TTN: variants seen among roughly 807,000 people sequenced by gnomAD.
The protein encoded by TTN is titin.
Under a neutral mutation model 3,223.0 loss-of-function variants are expected in TTN, and 1,525 were observed. That is an observed-to-expected ratio of 0.47 (90% confidence interval 0.45 to 0.49). The LOEUF is 0.49. Ranked by LOEUF, TTN falls within the 20% of genes least tolerant of loss-of-function variation. The pLI, the probability that TTN is intolerant of heterozygous loss-of-function variation, is 0.00. For missense variants in TTN, 40,786 were observed against 43,424.0 expected (o/e 0.94, Z 5.40); for synonymous variants, 14,094 against 15,161.0 (o/e 0.93, Z 5.17).
chr2:178,720,176 C>G lies in TTN; in HGVS notation c.23466G>C (p.Gln7822His). The G allele has an allele frequency of 6.2e-7, 1 of 1,613,732 alleles. No individual in the cohort carries two copies. The highest frequency in any genetic ancestry group is 8.5e-7 in the Non-Finnish European group (1 of 1,179,726). Residue 7822 changes from glutamine to histidine, a missense_variant, in exon 81 of 363, where the codon CAG becomes CAC. Physicochemically the swap from Gln to His is conservative, Grantham distance 24. Transcript: ENST00000589042. ...CTTTCAGCCAGACAACAGAAATTGG[C>G]TGGAAGCCCTCCACTATGGCCCGTA... ...VELRAIVEGF[Q>H]PISVVWLKDR...
In TTN at chr2:178,764,606, T is replaced by C; in HGVS notation, c.9909A>G (p.Pro3303=). ...EYTLLLIEAF[P]EDAAVYTCEA... Reference sequence around the variant, plus strand: ...CACAGGTATAGACTGCCGCATCCTCTGGGAAGGCTTCAATTAGCAAAAGCG... The same window carrying C: ...CACAGGTATAGACTGCCGCATCCTCCGGGAAGGCTTCAATTAGCAAAAGCG... Residue 3303 remains proline, a synonymous_variant, in exon 42 of 363, where the codon CCA becomes CCG. Transcript: ENST00000589042. 1.2e-6 allele frequency: 2 copies of C among 1,614,100 alleles called. No homozygotes were observed. The highest frequency in any genetic ancestry group is 1.7e-5 in the Admixed American group (1 of 60,012).
chr2:178,771,846 A>G (rs1418997202), intron 33 of TTN, among the ~76,000 whole-genome samples: 1 of 152,176 alleles, frequency 6.6e-6, no homozygotes, highest in African/African-American at 2.4e-5. Flanking sequence ...CTACATAAAA[A>G]TTTGCTAAAC....
intron 155 of TTN, 83 bp from the exon 156 acceptor site, chr2:178,671,253 G>A: frequency 1.1e-6 from 1 of 902,950 alleles, no homozygotes; most frequent in Non-Finnish European, 1.6e-6. Flanking sequence ...ACAATGAGGG[G>A]TCACAAAATT....
Position 178,600,879 on chromosome 2 carries a change from G to T in TTN, c.56025C>A (p.Gly18675=), listed in dbSNP as rs755326820. Residue 18675 remains glycine, a synonymous_variant, in exon 288 of 363, where the codon GGC becomes GGA. Coordinates refer to ENST00000589042, the MANE Select transcript of TTN (RefSeq NM_001267550.2). Reference sequence around the variant, plus strand: ...ATGTCTGGTCTTTGACAGTCACAGGGCCAACAGTGGCTGAAGGCTTGCTGA... The same window carrying T: ...ATGTCTGGTCTTTGACAGTCACAGGTCCAACAGTGGCTGAAGGCTTGCTGA... ...AGVSKPSATV[G]PVTVKDQTCP... 1 of 1,612,774 alleles carries T rather than the reference G, an allele frequency of 6.2e-7. No individual in the cohort carries two copies. The highest frequency in any genetic ancestry group is 8.5e-7 in the Non-Finnish European group (1 of 1,179,168).
intron 21 of TTN, 57 bp downstream of exon 21, chr2:178,781,064 G>A (rs745667976): frequency 1.2e-6 from 2 of 1,611,110 alleles, no homozygotes; most frequent in African/African-American, 1.3e-5. Flanking sequence ...GGACAGCACT[G>A]CTATCTCCTT....
chr2:178,743,964 G>A (rs1026346373), intron 47 of TTN, among the ~76,000 whole-genome samples: 3 of 151,952 alleles, frequency 2.0e-5, no homozygotes, highest in African/African-American at 7.2e-5. Flanking sequence ...AGGCAGGGGA[G>A]GCCTGGCTGC....
chr2:178,720,496 C>T lies in TTN; in HGVS notation c.23266G>A (p.Asp7756Asn). ...KKFKITSKHF[D>N]TSLHILNLEA... Reference sequence around the variant, plus strand: ...AGATTAAGGATATGAAGACTTGTATCAAAATGTTTTGAAGTGATTTTAAAT... The same window carrying T: ...AGATTAAGGATATGAAGACTTGTATTAAAATGTTTTGAAGTGATTTTAAAT... The change falls in exon 80 of 363, where the codon GAT becomes AAT. Residue 7756 changes from aspartate (D) to asparagine (N), a missense_variant. Transcript: ENST00000589042. The T allele has an allele frequency of 6.2e-7, 1 of 1,613,660 alleles. No individual in the cohort carries two copies. The highest frequency in any genetic ancestry group is 8.5e-7 in the Non-Finnish European group (1 of 1,179,672).
chr2:178,776,779 A>G lies in TTN; in HGVS notation c.5085T>C (p.Tyr1695=), dbSNP rs1235228503. Residue 1695 remains tyrosine, a synonymous_variant, in exon 28 of 363, where the codon TAT becomes TAC. Coordinates refer to ENST00000589042, the MANE Select transcript of TTN (RefSeq NM_001267550.2). ...ATGGTTTCTGTTGTTTCTCTTTGTC[A>G]TAGAGATCACCTTCTTCCCATTGCT... ...GQEQWEEGDL[Y]DKEKQQKPFF... 4 of 1,614,154 alleles carry G rather than the reference A, an allele frequency of 2.5e-6. 1 individual carries two copies. In the South Asian group the frequency reaches 3.3e-5, roughly 13 times the overall value.
rs1023726354 is a variant in TTN at position 178,672,715 on chromosome 2, T to C, written c.34787-12A>G. On this transcript the variant is annotated splice_polypyrimidine_tract_variant and intron_variant, in intron 152 of 362. Coordinates refer to ENST00000589042, the MANE Select transcript of TTN (RefSeq NM_001267550.2). ...AATTTTCTTTGACACTTTAAAGATA[T>C]TAGGTGTTTTAGTTAGCTGAGAATG... 1 of 1,584,394 alleles carries C rather than the reference T, an allele frequency of 6.3e-7. No homozygotes were observed. The highest frequency in any genetic ancestry group is 8.6e-7 in the Non-Finnish European group (1 of 1,163,422).
chr2:178,567,250 G>T lies in TTN; in HGVS notation c.78882C>A (p.Val26294=). The change falls in exon 326 of 363, where the codon GTC becomes GTA. Residue 26294 remains valine (V), a synonymous_variant. Coordinates refer to ENST00000589042, the MANE Select transcript of TTN (RefSeq NM_001267550.2). The part of the protein sequence containing the change: ...LDRPGPPEGP[V]QVTGVTSEKC... ...TTTCAGAAGTGACTCCAGTAACCTG[G>T]ACTGGCCCTTCTGGAGGTCCTGGTC... 2 of 1,607,210 alleles carry T rather than the reference G, an allele frequency of 1.2e-6. No homozygotes were observed. The highest frequency in any genetic ancestry group is 1.7e-6 in the Non-Finnish European group (2 of 1,176,672).
In TTN at chr2:178,621,094, A is replaced by G. The variant is rs2058202066; in HGVS notation, c.45616+8T>C. The G allele has an allele frequency of 2.5e-6, 4 of 1,610,954 alleles. No homozygotes were observed. Among genetic ancestry groups the G allele is most frequent in the Non-Finnish European group, 3.4e-6 (4 of 1,178,846 alleles). The stretch of plus-strand genomic sequence containing the variant: ...AACAAAAAACCCTAAAAGCAAGAAC[A>G]AACTTACCAATGACTGTCAAGTGAG... On this transcript the variant is annotated splice_region_variant and intron_variant, in intron 246 of 362. Coordinates refer to ENST00000589042, the MANE Select transcript of TTN (RefSeq NM_001267550.2).
In TTN at chr2:178,651,435, G is replaced by C. The variant is rs2062935974; in HGVS notation, c.39547+18C>G. The C allele has an allele frequency of 5.6e-6, 9 of 1,605,016 alleles. No homozygotes were observed. The highest frequency in any genetic ancestry group is 1.3e-5 in the African/African-American group (1 of 74,148). ...GGGCTCCATCCGCCCCCATCAAACAGTGGACAGCCACATATACCTTTAGCA... is the reference window on the plus strand; with the variant it reads ...GGGCTCCATCCGCCCCCATCAAACACTGGACAGCCACATATACCTTTAGCA... On this transcript the variant is annotated intron_variant, in intron 207 of 362. Transcript: ENST00000589042.
chr2:178,530,491 A>G lies in TTN; in HGVS notation c.106124T>C (p.Met35375Thr). The change falls in exon 358 of 363, where the codon ATG (methionine) becomes ACG (threonine). Residue 35375 changes from methionine to threonine, a missense_variant. Met to Thr is a moderately conservative substitution (Grantham distance 81). Coordinates refer to ENST00000589042, the MANE Select transcript of TTN (RefSeq NM_001267550.2). ...GGTSKTNLQF[M>T]GQAFKSIHEK... ...ATGGATACTCTTAAAGGCTTGCCCCATAAATTGTAAGTTGGTTTTAGACGT... is the reference window on the plus strand; with the variant it reads ...ATGGATACTCTTAAAGGCTTGCCCCGTAAATTGTAAGTTGGTTTTAGACGT... The G allele has an allele frequency of 1.9e-6, 3 of 1,614,018 alleles. No homozygotes were observed. Among genetic ancestry groups the G allele is most frequent in the South Asian group, 2.2e-5 (2 of 91,086 alleles).
chr2:178,735,060 A>G (rs2081214136), intron 50 of TTN, 72 bp from the exon 51 acceptor site: 4 of 1,442,692 alleles, frequency 2.8e-6, no homozygotes, highest in South Asian at 3.0e-5. Flanking sequence ...AAAAGTAGAC[A>G]TATACAACAA....
At chr2:178,559,217 C>T in intron 326 of TTN, 94 bp downstream of exon 326, 2 of 1,212,722 alleles carry the variant, frequency 1.6e-6, no homozygotes, top group Non-Finnish European at 2.3e-6. Flanking sequence ...AACCCAAAAG[C>T]ATTTAAGATG....
In TTN at chr2:178,578,815, G is replaced by A. The variant is rs993803663; in HGVS notation, c.68215C>T (p.His22739Tyr). 13 of 1,610,158 alleles carry A rather than the reference G, an allele frequency of 8.1e-6. No individual in the cohort carries two copies. In the Middle Eastern group the frequency reaches 1.5e-3, roughly 185 times the overall value. The stretch of plus-strand genomic sequence containing the variant: ...AATTTAAGACACTTACCAAATGGAT[G>A]TCTCGCAACAATTGGCTCCGATTTC... ...GLKSEPIVAR[H>Y]PFDVPDAPPP... The change falls in exon 320 of 363, where the codon CAT becomes TAT. Residue 22739 changes from histidine to tyrosine, a missense_variant. Coordinates refer to ENST00000589042, the MANE Select transcript of TTN (RefSeq NM_001267550.2).
At position 178,617,496 on chromosome 2, in the gene TTN, A is replaced by G. The variant is rs764652354; in HGVS notation, c.47589T>C (p.Pro15863=). The G allele has an allele frequency of 5.7e-6, 9 of 1,588,648 alleles. No homozygotes were observed. The South Asian group carries it at 9.4e-5, about 17-fold the overall frequency. Residue 15863 remains proline, a synonymous_variant, in exon 254 of 363, where the codon CCT becomes CCC. Transcript: ENST00000589042. ...VADPIERPSP[P]VNLTSSDQTQ... ...TCTGATCTGAGGAAGTTAGGTTTACAGGAGGACTTGGTCTCTCTGGAATAA... is the reference window on the plus strand; with the variant it reads ...TCTGATCTGAGGAAGTTAGGTTTACGGGAGGACTTGGTCTCTCTGGAATAA...
Position 178,603,983 on chromosome 2 carries a change from C to T in TTN, c.54704G>A (p.Arg18235His), listed in dbSNP as rs750125113. The T allele has an allele frequency of 8.1e-6, 13 of 1,612,664 alleles. No homozygotes were observed. The East Asian group carries it at 1.3e-4, about 17-fold the overall frequency. Residue 18235 changes from arginine (R) to histidine (H), a missense_variant, in exon 282 of 363, where the codon CGT becomes CAT. Coordinates refer to ENST00000589042, the MANE Select transcript of TTN (RefSeq NM_001267550.2). ...CTGGTATTTAACGCCTTCAAGCAAA[C>T]GAGGAACATTAAATTCCACGCCTTT... ...GLKGVEFNVP[R>H]LLEGVKYQFR... is the part of the protein sequence containing the mutation.
rs758979983 is a variant in TTN at position 178,583,182 on chromosome 2, G to T, written c.65621C>A (p.Thr21874Asn). 1 of 1,610,656 alleles carries T rather than the reference G, an allele frequency of 6.2e-7. No individual in the cohort carries two copies. The change falls in exon 313 of 363, where the codon ACT becomes AAT. Residue 21874 changes from threonine to asparagine, a missense_variant. Physicochemically the swap from Thr to Asn is moderately conservative, Grantham distance 65. Coordinates refer to ENST00000589042, the MANE Select transcript of TTN (RefSeq NM_001267550.2). ...DLSVAMKSLL[T>N]VKAGTNVCLD... ...GCAGACATTAGTTCCAGCTTTCACAGTAAGCAAAGATTTCATAGCCACACT... is the reference window on the plus strand; with the variant it reads ...GCAGACATTAGTTCCAGCTTTCACATTAAGCAAAGATTTCATAGCCACACT...
Sources: allele counts gnomAD v4.1 joint callset (sites outside exome capture counted in the v4.1 genomes callset), GRCh38; gene constraint gnomAD v4.1.1; transcripts MANE v1.5; gene names NCBI Gene and HGNC (gene_info 2026-07-23, HGNC 2026-07-21).